Variants in XG observed in about 807,000 individuals in gnomAD.
XG encodes Xg glycoprotein (Xg blood group).
XG carries 24 observed loss-of-function variants against 25.7 expected under a neutral mutation model. The ratio of observed to expected loss-of-function variants is 0.93; its 90% CI spans 0.68 to 1.31. The LOEUF is 1.31. Ranked by LOEUF, XG falls within the 40% of genes most tolerant of loss-of-function variation. XG has a pLI of 0.00. For missense variants in XG, 181 were observed against 187.6 expected (o/e 0.96, Z 0.21); for synonymous variants, 77 against 69.2 (o/e 1.11, Z -0.56).
chrX:2,777,133 G>A (rs183104083), intron 3 of XG, among the ~76,000 whole-genome samples: 147 of 152,270 alleles, frequency 9.7e-4, no homozygotes, highest in African/African-American at 3.4e-3. Context: ...GAATAGCAAT[G>A]CCAGCCAAAG....
At chrX:2,756,959 T>C (rs1457620173) in intron 1 of XG, among the ~76,000 whole-genome samples, 1 of 152,190 alleles carries the variant, frequency 6.6e-6, no homozygotes, top group African/African-American at 2.4e-5. Context: ...AGTGCCGTCT[T>C]GGTACCCGGG....
intron 1 of XG, among the ~76,000 whole-genome samples, chrX:2,765,041 C>G (rs1423753910): frequency 1.1e-4 from 4 of 36,608 alleles, no homozygotes; most frequent in African/African-American, 1.1e-4. Context: ...ATTCTTTATC[C>G]AAAAAAAAAA....
At chrX:2,772,817 C>G (rs2050849781) in intron 2 of XG, among the ~76,000 whole-genome samples, 1 of 152,204 alleles carries the variant, frequency 6.6e-6, no homozygotes, top group Admixed American at 6.5e-5. Context: ...GCAAACACAT[C>G]TTTGAATGCA....
chrX:2,754,423 G>A lies in XG; in HGVS notation c.61+2088G>A, dbSNP rs184714280. Among the ~76,000 whole-genome samples the A allele has an allele frequency of 5.3e-3, 811 of 152,198 alleles. 3 individuals are homozygous for A. Among genetic ancestry groups the A allele is most frequent in the Middle Eastern group, 0.014 (4 of 294 alleles). ...TCCTGCGCTAAATTCTTTGACTGAC[G>A]GCAGCACTTCCTATGCACTAGGCAT... is the stretch of plus-strand genomic sequence containing the variant. On this transcript the variant is annotated intron_variant, in intron 1 of 10. Transcript: ENST00000644266.
At chrX:2,812,512 A>G (rs889835936) in intron 10 of XG, among the ~76,000 whole-genome samples, 1 of 110,996 alleles carries the variant, frequency 9.0e-6, no homozygotes, top group African/African-American at 3.3e-5. Flanking sequence ...CCCCGAAGGA[A>G]ACCAGAAAGG....
chrX:2,789,732 T>A (rs1603457580), intron 5 of XG, 26 bp downstream of exon 5: 5 of 649,476 alleles, frequency 7.7e-6, no homozygotes, highest in Non-Finnish European at 1.0e-5. Context: ...TTATTTATTT[T>A]TATTTTATTT....
chrX:2,791,058 G>GTT (rs1339407148), intron 5 of XG, among the ~76,000 whole-genome samples: 7 of 102,397 alleles, frequency 6.8e-5, no homozygotes, highest in African/African-American at 2.4e-4. Context: ...ATTTTTTCTT[G>GTT]TTTTTTTTTT....
At chrX:2,785,114 G>C (rs900034843) in intron 4 of XG, among the ~76,000 whole-genome samples, 4 of 111,987 alleles carry the variant, frequency 3.6e-5, no homozygotes, top group Admixed American at 9.5e-5. Context: ...GGGGCTTCCA[G>C]GTCACAGGAA....
At chrX:2,773,449 AG>A (rs2050874467) in intron 2 of XG, among the ~76,000 whole-genome samples, 2 of 141,600 alleles carry the variant, frequency 1.4e-5, no homozygotes, top group African/African-American at 5.3e-5. Flanking sequence ...GAGGGTGGGG[AG>A]GAAGGAAAGA....
intron 8 of XG, among the ~76,000 whole-genome samples, chrX:2,807,761 G>A (rs2087016411): frequency 8.9e-6 from 1 of 112,140 alleles, no homozygotes; most frequent in Middle Eastern, 4.2e-3. Context: ...CTGCCTGTGT[G>A]TTGCACGTTT....
chrX:2,798,551 A>G (rs1295233577), intron 7 of XG, among the ~76,000 whole-genome samples: 1 of 110,316 alleles, frequency 9.1e-6, no homozygotes, highest in East Asian at 2.8e-4. Context: ...TTGTTTTTTT[A>G]GTAGAGACAG....
chrX:2,815,479 C>T lies in XG; in HGVS notation c.*1099C>T, dbSNP rs1252690640. 20 of 111,616 alleles carry T rather than the reference C, an allele frequency of 1.8e-4. No homozygotes were observed. The highest frequency in any genetic ancestry group is 2.6e-4 in the Non-Finnish European group (14 of 53,156). The allele number at this position is 111,616 out of a possible 1,213,427, so 9.2% of individuals were successfully genotyped here. ...TCCCAGTATGCATGTTTTATGCTCA[C>T]CATTATGAATTGGGGTCTTCAAAGA... On this transcript the variant is annotated 3_prime_UTR_variant, in exon 11 of 11. Coordinates refer to ENST00000644266, the MANE Select transcript of XG (RefSeq NM_001141919.2).
intron 2 of XG, among the ~76,000 whole-genome samples, chrX:2,771,203 C>A (rs1298795505): frequency 6.6e-6 from 1 of 151,982 alleles, no homozygotes; most frequent in Non-Finnish European, 1.5e-5. Flanking sequence ...TTGTCCCACA[C>A]CCCGATCCCA....
chrX:2,759,038 A>G (rs901345397), intron 1 of XG, among the ~76,000 whole-genome samples: 42 of 151,968 alleles, frequency 2.8e-4, no homozygotes, highest in African/African-American at 9.7e-4. Flanking sequence ...CTATGTATCT[A>G]TCTATCCATC....
chrX:2,767,125 AG>A (rs2050717455), intron 1 of XG, among the ~76,000 whole-genome samples: 3 of 152,112 alleles, frequency 2.0e-5, no homozygotes, highest in Admixed American at 2.0e-4. Flanking sequence ...AACCACGTGC[AG>A]GTCTGAATCA....
rs774625308 is a variant in XG, at chrX:2,796,099, ATATCTT to A, written c.323-1207_323-1202del. Among the ~76,000 whole-genome samples the A allele has an allele frequency of 3.3e-3, 358 of 107,623 alleles. 1 individual carries two copies. The highest frequency in any genetic ancestry group is 0.011 in the African/African-American group (336 of 30,168). 93.5% of individuals were successfully genotyped at this position (107,623 alleles called of 115,157 possible). A position where few individuals can be genotyped will look rare whatever the true frequency, so the allele number is the denominator to read the frequency against. On this transcript the variant is annotated intron_variant, in intron 6 of 10. Transcript: ENST00000644266. ...TATATAATTATATACCTTTATTTATATATCTTTATATGTACATATATACCTATATAT... is the reference window on the plus strand; with the variant it reads ...TATATAATTATATACCTTTATTTATATATATGTACATATATACCTATATAT...
chrX:2,797,020 G>A (rs978124288), intron 6 of XG, among the ~76,000 whole-genome samples: 1 of 111,851 alleles, frequency 8.9e-6, no homozygotes, highest in Non-Finnish European at 1.9e-5. Context: ...CAGGAAGCGG[G>A]TGCGCCTGCG....
At chrX:2,786,066 G>T (rs2086780448) in intron 4 of XG, among the ~76,000 whole-genome samples, 1 of 109,862 alleles carries the variant, frequency 9.1e-6, no homozygotes, top group Non-Finnish European at 1.9e-5. Context: ...CTTAGAATTT[G>T]ATCTGGAGGA....
chrX:2,752,863 T>C (rs896332812), intron 1 of XG: 51 of 909,146 alleles, frequency 5.6e-5, no homozygotes, highest in African/African-American at 1.1e-4. Context: ...ACCACCTGAA[T>C]TGTTCACATC....
Sources: gnomAD v4.1 joint callset for allele counts (sites outside exome capture counted in the v4.1 genomes callset) on GRCh38, gnomAD v4.1.1 for gene constraint, MANE v1.5 for transcripts, NCBI Gene and HGNC (gene_info 2026-07-23, HGNC 2026-07-21) for gene names.